B3GALT1: variants seen among roughly 807,000 people sequenced by gnomAD.
The protein encoded by B3GALT1 is beta-1,3-galactosyltransferase 1.
Under a neutral mutation model 23.2 loss-of-function variants are expected in B3GALT1, and 10 were observed. The ratio of observed to expected loss-of-function variants is 0.43; its 90% confidence interval spans 0.27 to 0.73. The LOEUF is 0.73. Among genes scored for constraint, B3GALT1 ranks in the 30% least tolerant of loss-of-function variants. B3GALT1 has a pLI of 0.21. For missense variants in B3GALT1, 299 were observed against 405.4 expected (o/e 0.74, Z 2.25); for synonymous variants, 156 against 141.5 (o/e 1.10, Z -0.73).
At chr2:167,352,653 G>A (rs915375960) in intron 1 of B3GALT1, among the ~76,000 whole-genome samples, 25 of 151,782 alleles carry the variant, frequency 1.6e-4, no homozygotes, top group African/African-American at 4.1e-4. Context: ...CCTGGGAGGC[G>A]GAGACTGCAG....
chr2:167,643,487 A>G (rs1390196023), intron 2 of B3GALT1, among the ~76,000 whole-genome samples: 1 of 152,188 alleles, frequency 6.6e-6, no homozygotes, highest in Non-Finnish European at 1.5e-5. Flanking sequence ...AAAATGTGAA[A>G]CCAAAGTAGT....
intron 2 of B3GALT1, among the ~76,000 whole-genome samples, chr2:167,634,859 A>G (rs143744946): frequency 0.072 from 11,020 of 152,204 alleles, 1,019 homozygotes; most frequent in African/African-American, 0.22. Context: ...TTATGAGGCC[A>G]GCATCCTGAT....
chr2:167,490,068 G>A (rs995267189), intron 1 of B3GALT1, 109 bp from the exon 2 acceptor site: 2 of 152,186 alleles, frequency 1.3e-5, no homozygotes, highest in African/African-American at 4.8e-5. Flanking sequence ...TGTAAGATAT[G>A]TGGAAATTTT....
intron 2 of B3GALT1, among the ~76,000 whole-genome samples, chr2:167,559,864 A>G (rs1683936514): frequency 6.6e-6 from 1 of 152,340 alleles, no homozygotes; most frequent in African/African-American, 2.4e-5. Flanking sequence ...GAATGGAACC[A>G]AGTTGGAAAA....
At chr2:167,590,271 G>A (rs1260444001) in intron 2 of B3GALT1, among the ~76,000 whole-genome samples, 1 of 150,772 alleles carries the variant, frequency 6.6e-6, no homozygotes, top group Non-Finnish European at 1.5e-5. Flanking sequence ...GTGTGAACCC[G>A]GGAGGCAGAG....
chr2:167,487,623 A>C (rs1398155678), intron 1 of B3GALT1, among the ~76,000 whole-genome samples: 1 of 152,192 alleles, frequency 6.6e-6, no homozygotes, highest in Non-Finnish European at 1.5e-5. Flanking sequence ...TTGGGAAACC[A>C]AAAAAGAAAC....
chr2:167,640,348 A>G (rs1206276061), intron 2 of B3GALT1, among the ~76,000 whole-genome samples: 1 of 151,486 alleles, frequency 6.6e-6, no homozygotes, highest in Non-Finnish European at 1.5e-5. Context: ...CTTAGAGCAC[A>G]GAGTTTTTCA....
At chr2:167,727,625 A>G (rs1687339327) in intron 3 of B3GALT1, among the ~76,000 whole-genome samples, 1 of 152,190 alleles carries the variant, frequency 6.6e-6, no homozygotes, top group Admixed American at 6.5e-5. Flanking sequence ...GAAGTCCAAG[A>G]TGATTTAGAA....
At chr2:167,341,122 C>T (rs1466409723) in intron 1 of B3GALT1, among the ~76,000 whole-genome samples, 1 of 152,012 alleles carries the variant, frequency 6.6e-6, no homozygotes, top group Admixed American at 6.6e-5. Context: ...AGAAGATATC[C>T]AAACTGAGTC....
intron 1 of B3GALT1, among the ~76,000 whole-genome samples, chr2:167,425,995 C>G (rs985714121): frequency 5.9e-5 from 9 of 152,106 alleles, no homozygotes; most frequent in Non-Finnish European, 1.0e-4. Flanking sequence ...CAAGCTAAGG[C>G]ATGTAACCTA....
chr2:167,457,899 A>C (rs1250306789), intron 1 of B3GALT1, among the ~76,000 whole-genome samples: 1 of 152,212 alleles, frequency 6.6e-6, no homozygotes. Flanking sequence ...TATGTTATCA[A>C]ACACTACAGA....
intron 3 of B3GALT1, among the ~76,000 whole-genome samples, chr2:167,731,185 T>C (rs1037037803): frequency 4.7e-4 from 71 of 152,204 alleles, no homozygotes; most frequent in African/African-American, 1.7e-3. Context: ...TTTGGGCAAA[T>C]ATTTAATCTC....
intron 3 of B3GALT1, among the ~76,000 whole-genome samples, chr2:167,670,289 A>G (rs2105482723): frequency 6.6e-6 from 1 of 152,324 alleles, no homozygotes; most frequent in South Asian, 2.1e-4. Context: ...GGATTTAGAG[A>G]AAACATGCAA....
rs1227526621 is a variant in B3GALT1, at chr2:167,836,376, G to C, written c.-230+17583G>C. On this transcript the variant is annotated intron_variant, in intron 4 of 4. Transcript: ENST00000392690. ...AGCCAAGGCTCGAGAACTATGTGAA[G>C]AATGCAGAAGCCTCAGGAGCCGATG... 8.5e-5 allele frequency among the ~76,000 whole-genome samples: 13 copies of C among 152,308 alleles called. No homozygotes were observed. In the East Asian group the frequency reaches 2.5e-3, roughly 29 times the overall value.
At chr2:167,714,470 C>G (rs1687112682) in intron 3 of B3GALT1, 2 of 1,599,428 alleles carry the variant, frequency 1.3e-6, no homozygotes, top group African/African-American at 2.7e-5. Context: ...GAGAAAAGCT[C>G]TCGTTTCAGA....
intron 3 of B3GALT1, among the ~76,000 whole-genome samples, chr2:167,708,034 G>A (rs1686990989): frequency 1.3e-5 from 2 of 152,100 alleles, no homozygotes; most frequent in African/African-American, 4.8e-5. Flanking sequence ...ATTGTTCCCA[G>A]TCACCTCTAT....
At chr2:167,619,255 C>G (rs545141867) in intron 2 of B3GALT1, among the ~76,000 whole-genome samples, 16 of 152,094 alleles carry the variant, frequency 1.1e-4, no homozygotes, top group African/African-American at 3.9e-4. Context: ...TTGGCTCCCC[C>G]TGTCCCCTCC....
chr2:167,690,112 C>T (rs1029063556), intron 3 of B3GALT1, among the ~76,000 whole-genome samples: 54 of 152,020 alleles, frequency 3.6e-4, no homozygotes, highest in South Asian at 4.2e-4. Flanking sequence ...TAGTCCAAAC[C>T]ATTAACTGTG....
At chr2:167,601,760 A>C (rs1684881726) in intron 2 of B3GALT1, among the ~76,000 whole-genome samples, 1 of 152,216 alleles carries the variant, frequency 6.6e-6, no homozygotes, top group African/African-American at 2.4e-5. Context: ...CATATTGAGA[A>C]GTGCTTGACT....
Sources: allele counts gnomAD v4.1 joint callset (sites outside exome capture counted in the v4.1 genomes callset), GRCh38; gene constraint gnomAD v4.1.1; transcripts MANE v1.5; gene names NCBI Gene and HGNC (gene_info 2026-07-23, HGNC 2026-07-21).